UNC13C: variants seen among roughly 807,000 people sequenced by gnomAD.
The protein encoded by UNC13C is unc-13 homolog C, also known as protein unc-13 homolog C.
A neutral mutation model predicts 245.4 loss-of-function variants in UNC13C; 174 were observed. The observed-to-expected ratio is 0.71, with a 90% CI of 0.63 to 0.80. The LOEUF (loss-of-function observed/expected upper bound fraction) is 0.80, where lower values mean the gene tolerates loss of function less well. Ranked by LOEUF, UNC13C falls within the 30% of genes least tolerant of loss-of-function variation. The pLI is 0.00. For synonymous variants in UNC13C, 992 were observed against 895.1 expected (o/e 1.11, Z -1.93); for missense variants, 2,829 against 2,602.9 (o/e 1.09, Z -1.89).
chr15:53,863,355 C>A, the UNC13C span, among the ~76,000 whole-genome samples: 2 of 152,278 alleles, frequency 1.3e-5, no homozygotes, highest in East Asian at 3.9e-4. Flanking sequence ...CAGGAAACTG[C>A]AGAAGTGACA....
chr15:53,892,234 C>A, the UNC13C span, among the ~76,000 whole-genome samples: 7 of 152,178 alleles, frequency 4.6e-5, no homozygotes, highest in Non-Finnish European at 8.8e-5. Flanking sequence ...AGGGTTTCTG[C>A]AGAGAGATCT....
At chr15:53,931,550 C>T in the UNC13C span, among the ~76,000 whole-genome samples, 4 of 151,942 alleles carry the variant, frequency 2.6e-5, no homozygotes, top group African/African-American at 9.7e-5. Flanking sequence ...GTCTTTGCTT[C>T]CTTCTTCCTA....
intron 18 of UNC13C, among the ~76,000 whole-genome samples, chr15:54,393,547 G>A (rs532155743): frequency 6.6e-6 from 1 of 151,794 alleles, no homozygotes. Context: ...ATATTGCATT[G>A]TGGCTTTTTA....
At chr15:54,238,895 T>C (rs1281651236) in intron 7 of UNC13C, among the ~76,000 whole-genome samples, 2 of 152,198 alleles carry the variant, frequency 1.3e-5, no homozygotes, top group Admixed American at 1.3e-4. Flanking sequence ...CTTTAAAACA[T>C]ACAGTGATGG....
intron 7 of UNC13C, among the ~76,000 whole-genome samples, chr15:54,246,044 G>A (rs2035981560): frequency 6.6e-6 from 1 of 152,132 alleles, no homozygotes; most frequent in Non-Finnish European, 1.5e-5. Context: ...AATATTGATG[G>A]TCTGAAAACA....
At chr15:54,177,915 T>C in intron 4 of UNC13C, among the ~76,000 whole-genome samples, 1 of 152,120 alleles carries the variant, frequency 6.6e-6, no homozygotes, top group East Asian at 1.9e-4. Context: ...TCTCATTTTT[T>C]TCTCTCTCTT....
At chr15:54,005,458 G>A (rs1895092651) in intron 1 of UNC13C, among the ~76,000 whole-genome samples, 1 of 152,112 alleles carries the variant, frequency 6.6e-6, no homozygotes, top group Non-Finnish European at 1.5e-5. Flanking sequence ...TTCTTCATTT[G>A]TAAAATGGGA....
the UNC13C span, among the ~76,000 whole-genome samples, chr15:53,947,053 T>C: frequency 6.6e-6 from 1 of 152,184 alleles, no homozygotes; most frequent in Non-Finnish European, 1.5e-5. Flanking sequence ...AAACTTTCAA[T>C]TTTTTATCTT....
upstream of UNC13C, among the ~76,000 whole-genome samples, chr15:53,976,461 C>T (rs1244184542): frequency 2.0e-4 from 19 of 94,832 alleles, no homozygotes; most frequent in South Asian, 1.6e-3. Flanking sequence ...TCTTCTTTCT[C>T]TCTCTCTCTC....
At chr15:54,220,080 G>A (rs929013083) in intron 4 of UNC13C, among the ~76,000 whole-genome samples, 5 of 145,380 alleles carry the variant, frequency 3.4e-5, no homozygotes, top group Admixed American at 3.4e-4. Context: ...ATTTGACCCA[G>A]CCATCCCATT....
chr15:54,138,541 T>C (rs1324268032), intron 2 of UNC13C, among the ~76,000 whole-genome samples: 2 of 152,142 alleles, frequency 1.3e-5, no homozygotes, highest in Non-Finnish European at 2.9e-5. Flanking sequence ...TTATTTAGCC[T>C]CTAAATGCAT....
chr15:54,355,503 C>T (rs528064403), intron 17 of UNC13C, among the ~76,000 whole-genome samples: 3 of 152,024 alleles, frequency 2.0e-5, no homozygotes, highest in East Asian at 3.9e-4. Context: ...GCTACAGGCA[C>T]GCACCACCAA....
At chr15:54,362,355 C>T (rs1226153847) in intron 17 of UNC13C, among the ~76,000 whole-genome samples, 1 of 152,140 alleles carries the variant, frequency 6.6e-6, no homozygotes, top group African/African-American at 2.4e-5. Flanking sequence ...GGTGTTATGC[C>T]AGCTTGGAGG....
chr15:54,056,398 G>C (rs1897525046), intron 2 of UNC13C, among the ~76,000 whole-genome samples: 2 of 152,212 alleles, frequency 1.3e-5, no homozygotes, highest in African/African-American at 4.8e-5. Context: ...AGCATGAAGA[G>C]AAGTTTAGAG....
the UNC13C span, among the ~76,000 whole-genome samples, chr15:53,856,162 T>C: frequency 1.3e-5 from 2 of 152,110 alleles, no homozygotes; most frequent in Non-Finnish European, 2.9e-5. Flanking sequence ...TGAACGTGTT[T>C]ATTTTATTCT....
At chr15:54,101,746 C>T (rs925225972) in intron 2 of UNC13C, among the ~76,000 whole-genome samples, 3 of 151,926 alleles carry the variant, frequency 2.0e-5, no homozygotes, top group Admixed American at 1.3e-4. Context: ...CCACCGCACC[C>T]AGCTAGTTTT....
chr15:54,231,082 C>T (rs1334165445), intron 4 of UNC13C, among the ~76,000 whole-genome samples: 3 of 151,922 alleles, frequency 2.0e-5, no homozygotes, highest in African/African-American at 7.2e-5. Context: ...CACTTGAATA[C>T]TTGGGCAGGG....
intron 19 of UNC13C, chr15:54,416,793 G>C (rs1596345632): frequency 4.9e-6 from 2 of 410,250 alleles, no homozygotes; most frequent in East Asian, 1.4e-4. Context: ...ACTCTTCTCT[G>C]CTGTTCCCTA....
chr15:53,979,984 A>G (rs1485440712), intron 1 of UNC13C, among the ~76,000 whole-genome samples: 5 of 152,150 alleles, frequency 3.3e-5, no homozygotes, highest in Non-Finnish European at 7.4e-5. Context: ...AAAGTACTAC[A>G]TTTTTGTATA....
Sources: gnomAD v4.1 joint callset for allele counts (sites outside exome capture counted in the v4.1 genomes callset) on GRCh38, gnomAD v4.1.1 for gene constraint, MANE v1.5 for transcripts, NCBI Gene and HGNC (gene_info 2026-07-23, HGNC 2026-07-21) for gene names.